CDC25C: variants seen among roughly 807,000 people sequenced by gnomAD.
CDC25C encodes the protein M-phase inducer phosphatase 3.
In CDC25C, 48 loss-of-function variants were observed where a neutral mutation model predicts 52.5. The observed-to-expected ratio is 0.91, with a 90% CI of 0.72 to 1.16. CDC25C has a LOEUF of 1.16. Among genes scored for constraint, CDC25C ranks in the 50% most tolerant of loss-of-function variants. CDC25C has a pLI of 0.00. For missense variants in CDC25C, 510 were observed against 566.1 expected (o/e 0.90, Z 1.01); for synonymous variants, 187 against 206.5 (o/e 0.91, Z 0.81).
chr5:138,333,358 A>C (rs1760528558), upstream of CDC25C: 1 of 152,118 alleles, frequency 6.6e-6, no homozygotes, highest in South Asian at 2.1e-4. Context: ...TGTTGTCAGG[A>C]TCTTGGTGGT....
intron 8 of CDC25C, among the ~76,000 whole-genome samples, chr5:138,291,676 C>T (rs1456936194): frequency 2.0e-5 from 3 of 151,864 alleles, no homozygotes; most frequent in Non-Finnish European, 4.4e-5. Flanking sequence ...GCCTCGGCCT[C>T]CCAAAGTGCT....
At chr5:138,305,823 G>C (rs1580750323) in intron 7 of CDC25C, among the ~76,000 whole-genome samples, 1 of 152,304 alleles carries the variant, frequency 6.6e-6, no homozygotes, top group East Asian at 1.9e-4. Flanking sequence ...GCCAATGGGA[G>C]ACAGATATTC....
chr5:138,328,413 G>T, intron 4 of CDC25C, 71 bp downstream of exon 4: 1 of 1,406,062 alleles, frequency 7.1e-7, no homozygotes, highest in Non-Finnish European at 1.0e-6. Flanking sequence ...TGCAGAGTCT[G>T]CACAGGATAA....
At chr5:138,336,090 G>T (rs1760680934), upstream of CDC25C, among the ~76,000 whole-genome samples, 1 of 151,236 alleles carries the variant, frequency 6.6e-6, no homozygotes. Context: ...GGTCAAGTGT[G>T]GTGGTTCACA....
Position 138,326,048 on chromosome 5 carries a change from A to T in CDC25C, c.342T>A (p.His114Gln). The T allele has an allele frequency of 6.2e-7, 1 of 1,614,238 alleles. No individual in the cohort carries two copies. The highest frequency in any genetic ancestry group is 8.5e-7 in the Non-Finnish European group (1 of 1,180,036). The stretch of plus-strand genomic sequence containing the variant: ...GGCTACATTTCATTAGGTGCTGGTC[A>T]TGATTCCTGCAGATTAAAACAAACT... ...LQEVHLAGMN[H>Q]DQHLMKCSPA... Residue 114 changes from histidine to glutamine, a missense_variant, in exon 5 of 14, where the codon CAT becomes CAA. Coordinates refer to ENST00000323760, the MANE Select transcript of CDC25C (RefSeq NM_001790.5).
intron 12 of CDC25C, 58 bp from the exon 13 acceptor site, chr5:138,286,191 G>A: frequency 1.5e-6 from 2 of 1,320,714 alleles, no homozygotes; most frequent in South Asian, 1.2e-5. Context: ...GGATCCCAGG[G>A]GCCATTCACT....
chr5:138,332,742 T>C (rs1047641828), upstream of CDC25C, among the ~76,000 whole-genome samples: 3 of 152,174 alleles, frequency 2.0e-5, no homozygotes, highest in Non-Finnish European at 4.4e-5. Flanking sequence ...GGCACACACC[T>C]GTAATCCCAG....
intron 7 of CDC25C, among the ~76,000 whole-genome samples, chr5:138,307,505 A>G (rs1370124600): frequency 6.6e-6 from 1 of 151,330 alleles, no homozygotes; most frequent in Non-Finnish European, 1.5e-5. Flanking sequence ...AAAAAAAAAA[A>G]AAAAAAGAAA....
At chr5:138,321,547 A>T (rs1239851361) in intron 6 of CDC25C, among the ~76,000 whole-genome samples, 1 of 151,796 alleles carries the variant, frequency 6.6e-6, no homozygotes, top group African/African-American at 2.4e-5. Flanking sequence ...AGGTCAGGAG[A>T]TCGAGAGCAT....
rs1758722824 is a variant in CDC25C at position 138,314,594 on chromosome 5, C to T, written c.615+4625G>A. 2.0e-5 allele frequency among the ~76,000 whole-genome samples: 3 copies of T among 149,694 alleles called. No individual in the cohort carries two copies. In the South Asian group the frequency reaches 6.3e-4, roughly 32 times the overall value. ...TACAGGTGTGAGTCACCGCTCCCAG[C>T]CTATAGCACTTTTTTTTTTTTTTTT... On this transcript the variant is annotated intron_variant, in intron 7 of 13. Coordinates refer to ENST00000323760, the MANE Select transcript of CDC25C (RefSeq NM_001790.5).
At position 138,289,576 on chromosome 5, in the gene CDC25C, A is replaced by G. The variant is rs758248149; in HGVS notation, c.865-13T>C. 2 of 1,608,286 alleles carry G rather than the reference A, an allele frequency of 1.2e-6. No individual in the cohort carries two copies. The highest frequency in any genetic ancestry group is 1.7e-6 in the Non-Finnish European group (2 of 1,174,708). ...GCAGCGCACATACCTAGAAATACAC[A>G]AGAGCTGAAATAACAGCAAGTATTC... On this transcript the variant is annotated splice_polypyrimidine_tract_variant and intron_variant, in intron 9 of 13. Transcript: ENST00000323760.
In CDC25C at chr5:138,331,015, C is replaced by A. The variant is rs749254258; in HGVS notation, c.166G>T (p.Asp56Tyr). 1 of 1,613,422 alleles carries A rather than the reference C, an allele frequency of 6.2e-7. No individual in the cohort carries two copies. The highest frequency in any genetic ancestry group is 1.3e-5 in the African/African-American group (1 of 74,908). ...GACAAAATGCTTAGGTTTGCAGAAT[C>A]ACCAAGAAATTTGCCCACTGGAGTT... The part of the protein sequence containing the change: ...PRTPVGKFLG[D>Y]SANLSILSGG... Residue 56 changes from aspartate to tyrosine, a missense_variant, in exon 2 of 14, where the codon GAT (aspartate) becomes TAT (tyrosine). Physicochemically the swap from Asp to Tyr is radical, Grantham distance 160. Transcript: ENST00000323760.
intron 10 of CDC25C, among the ~76,000 whole-genome samples, chr5:138,287,969 C>T (rs1056361452): frequency 1.3e-5 from 2 of 152,156 alleles, no homozygotes; most frequent in East Asian, 1.9e-4. Flanking sequence ...TAGAATAGAG[C>T]GGCATTATAT....
intron 2 of CDC25C, 77 bp from the exon 3 acceptor site, chr5:138,329,724 TTC>T (rs1315651588): frequency 8.0e-5 from 49 of 609,434 alleles, no homozygotes; most frequent in Admixed American, 1.6e-4. Context: ...TGTCATCCTC[TTC>T]TTTTTTTTTT....
upstream of CDC25C, chr5:138,335,064 C>T (rs1191691453): frequency 6.6e-6 from 1 of 152,256 alleles, no homozygotes; most frequent in East Asian, 1.9e-4. Context: ...TGACCTCAGT[C>T]TGACTCATAC....
At chr5:138,304,331 CTTTTTTTTTT>C (rs558050918) in intron 7 of CDC25C, among the ~76,000 whole-genome samples, 1 of 100,898 alleles carries the variant, frequency 9.9e-6, no homozygotes. Context: ...CCATGCCTGG[CTTTTTTTTTT>C]TTTTTTTTTT....
At chr5:138,285,889 T>C (rs1756170765) in intron 13 of CDC25C, 48 bp from the exon 14 acceptor site, 3 of 1,599,250 alleles carry the variant, frequency 1.9e-6, no homozygotes, top group Non-Finnish European at 2.6e-6. Context: ...TCCTGAACTC[T>C]ACCTATGAAG....
In CDC25C at chr5:138,286,585, G is replaced by A. The variant is rs1179252946; in HGVS notation, c.1072C>T (p.Leu358=). The A allele has an allele frequency of 6.2e-7, 1 of 1,613,632 alleles. No individual in the cohort carries two copies. Among genetic ancestry groups the A allele is most frequent in the Non-Finnish European group, 8.5e-7 (1 of 1,179,600 alleles). Residue 358 remains leucine (L), a synonymous_variant, in exon 12 of 14, where the codon CTG becomes TTG. Transcript: ENST00000323760. ...YSQEELFNFF[L]KKPIVPLDTQ... ...TCCAAAGGGACGATGGGCTTCTTCAGAAAGAAGTTAAACAGTTCTTCCTGA... is the reference window on the plus strand; with the variant it reads ...TCCAAAGGGACGATGGGCTTCTTCAAAAAGAAGTTAAACAGTTCTTCCTGA...
intron 6 of CDC25C, among the ~76,000 whole-genome samples, chr5:138,321,536 G>A (rs1192200804): frequency 2.6e-5 from 4 of 151,730 alleles, no homozygotes; most frequent in Non-Finnish European, 4.4e-5. Flanking sequence ...GGTGGATCAC[G>A]AGGTCAGGAG....
Sources: gnomAD v4.1 joint callset for allele counts (sites outside exome capture counted in the v4.1 genomes callset) on GRCh38, gnomAD v4.1.1 for gene constraint, MANE v1.5 for transcripts, NCBI Gene and HGNC (gene_info 2026-07-23, HGNC 2026-07-21) for gene names.